The following MTNR1A variants were observed in gnomAD, a reference collection of about 807,000 sequenced individuals.
MTNR1A encodes the protein melatonin receptor type 1A.
A neutral mutation model predicts 5.5 loss-of-function variants in MTNR1A; 7 were observed. That is an observed-to-expected ratio of 1.28 (90% confidence interval 0.73 to 2.40). The LOEUF (loss-of-function observed/expected upper bound fraction) is 2.40. MTNR1A is among the 30% of genes most tolerant of loss of function. The probability of loss-of-function intolerance (pLI) is 0.00; values close to 1 mark genes in which losing one functional copy is unlikely to be tolerated. For missense variants in MTNR1A, 441 were observed against 464.4 expected (o/e 0.95, Z 0.46); for synonymous variants, 196 against 202.7 (o/e 0.97, Z 0.28).
Position 186,534,195 on chromosome 4 carries a change from C to T in MTNR1A, c.547G>A (p.Val183Ile), listed in dbSNP as rs533536924. 2.4e-5 allele frequency: 38 copies of T among 1,613,438 alleles called. 1 individual carries two copies. In the South Asian group the frequency reaches 3.7e-4, roughly 16 times the overall value. The change falls in exon 2 of 2, where the codon GTC (valine) becomes ATC (isoleucine). Residue 183 changes from valine (V) to isoleucine (I), a missense_variant. Val to Ile is a conservative substitution (Grantham distance 29, BLOSUM62 3). Transcript: ENST00000307161. ...ACGGCGATGGTGTAGGCGGAGCTGA[C>T]GGACTGGGCGAAGGTGCACGAGTAG... ...RIYSCTFAQS[V>I]SSAYTIAVVV... is the part of the protein sequence containing the mutation.
intron 1 of MTNR1A, among the ~76,000 whole-genome samples, chr4:186,537,197 C>T (rs148075404): frequency 6.6e-6 from 1 of 152,306 alleles, no homozygotes; most frequent in East Asian, 1.9e-4. Context: ...AGACTCCCCA[C>T]AGGTGCGGCT....
At chr4:186,543,065 C>G (rs1737062586) in intron 1 of MTNR1A, among the ~76,000 whole-genome samples, 1 of 152,176 alleles carries the variant, frequency 6.6e-6, no homozygotes, top group African/African-American at 2.4e-5. Flanking sequence ...TGAACTCCAG[C>G]TCAGGCGACA....
At chr4:186,542,122 G>C (rs902039561) in intron 1 of MTNR1A, among the ~76,000 whole-genome samples, 5 of 152,226 alleles carry the variant, frequency 3.3e-5, no homozygotes, top group Non-Finnish European at 5.9e-5. Flanking sequence ...TCTGGATGCA[G>C]CCACTGCTGC....
chr4:186,548,552 A>G (rs1477076296), intron 1 of MTNR1A, among the ~76,000 whole-genome samples: 1 of 151,976 alleles, frequency 6.6e-6, no homozygotes, highest in Non-Finnish European at 1.5e-5. Flanking sequence ...TGGGAATGTT[A>G]TATTTAATTC....
At chr4:186,553,049 A>G (rs1737294346) in intron 1 of MTNR1A, among the ~76,000 whole-genome samples, 1 of 152,200 alleles carries the variant, frequency 6.6e-6, no homozygotes, top group South Asian at 2.1e-4. Context: ...AATCACCACA[A>G]TTATACCAAG....
chr4:186,538,951 A>C (rs62350386), intron 1 of MTNR1A, among the ~76,000 whole-genome samples: 1,815 of 152,126 alleles, frequency 0.012, 32 homozygotes, highest in African/African-American at 0.041. Context: ...TGGGTGTGGC[A>C]GCTCACGCCT....
At chr4:186,544,882 TC>T (rs1737108177) in intron 1 of MTNR1A, among the ~76,000 whole-genome samples, 1 of 152,122 alleles carries the variant, frequency 6.6e-6, no homozygotes, top group African/African-American at 2.4e-5. Context: ...AAGGACTGGA[TC>T]CTTCCCCAGA....
rs754471002 is a variant in MTNR1A at position 186,534,411 on chromosome 4, C to T, written c.331G>A (p.Val111Ile). ...GTGATGTTGAATATGGAGCCGATGA[C>T]GCTCAGGCCCATCAGGAACCCACTG... ...QVSGFLMGLS[V>I]IGSIFNITGI... The change falls in exon 2 of 2, where the codon GTC becomes ATC. Residue 111 changes from valine (V) to isoleucine (I), a missense_variant. Transcript: ENST00000307161. 31 of 1,614,098 alleles carry T rather than the reference C, an allele frequency of 1.9e-5. 1 individual carries two copies. The South Asian group carries it at 2.4e-4, about 13-fold the overall frequency.
At chr4:186,552,244 G>A (rs780482246) in intron 1 of MTNR1A, among the ~76,000 whole-genome samples, 1 of 152,102 alleles carries the variant, frequency 6.6e-6, no homozygotes, top group Non-Finnish European at 1.5e-5. Context: ...TTCTTTAAAT[G>A]TGTCAATCTT....
At chr4:186,540,969 A>G (rs1737008823) in intron 1 of MTNR1A, among the ~76,000 whole-genome samples, 1 of 151,968 alleles carries the variant, frequency 6.6e-6, no homozygotes, top group African/African-American at 2.4e-5. Context: ...CATCAAACAG[A>G]AGCCGCACAT....
chr4:186,546,379 A>C (rs1189327824), intron 1 of MTNR1A, among the ~76,000 whole-genome samples: 2 of 148,110 alleles, frequency 1.4e-5, no homozygotes, highest in African/African-American at 2.5e-5. Flanking sequence ...CCTTCCACAC[A>C]CGGCTCTCCA....
At chr4:186,547,521 A>C (rs1310268372) in intron 1 of MTNR1A, among the ~76,000 whole-genome samples, 1 of 152,118 alleles carries the variant, frequency 6.6e-6, no homozygotes, top group Admixed American at 6.5e-5. Flanking sequence ...GGTTCATGGT[A>C]CTCGCGGTTG....
rs180705747 is a variant in MTNR1A at position 186,550,234 on chromosome 4, A to T, written c.184+4948T>A. Among the ~76,000 whole-genome samples the T allele has an allele frequency of 3.3e-5, 5 of 152,332 alleles. No individual in the cohort carries two copies. In the East Asian group the frequency reaches 9.7e-4, roughly 29 times the overall value. On this transcript the variant is annotated intron_variant, in intron 1 of 1. Transcript: ENST00000307161. ...GAGGCTGCTGATCATCTTCATGAAG[A>T]GGCAGAGATGGCACCAATGATACCG...
chr4:186,554,776 A>G (rs1329642522), intron 1 of MTNR1A, among the ~76,000 whole-genome samples: 1 of 152,204 alleles, frequency 6.6e-6, no homozygotes. Context: ...TCATTTTGCC[A>G]GCTTCTATGT....
chr4:186,551,864 G>C (rs1456217499), intron 1 of MTNR1A, among the ~76,000 whole-genome samples: 2 of 152,096 alleles, frequency 1.3e-5, no homozygotes, highest in Non-Finnish European at 2.9e-5. Flanking sequence ...TTCACACAGA[G>C]TCAGCCATCC....
Position 186,534,330 on chromosome 4 carries a change from G to C in MTNR1A, c.412C>G (p.Leu138Val), listed in dbSNP as rs779672200. The change falls in exon 2 of 2, where the codon CTG (leucine) becomes GTG (valine). Residue 138 changes from leucine (L) to valine (V), a missense_variant. By Grantham distance (32) the Leu-to-Val change is conservative. Transcript: ENST00000307161. ...YICHSLKYDKLYSSKNSLCYV... is the reference protein window; with the variant it reads ...YICHSLKYDKVYSSKNSLCYV... Reference sequence around the variant, plus strand: ...CAGAGGGAGTTCTTGCTGCTGTACAGTTTGTCGTACTTGAGACTGTGGCAG... The same window carrying C: ...CAGAGGGAGTTCTTGCTGCTGTACACTTTGTCGTACTTGAGACTGTGGCAG... 1.9e-6 allele frequency: 3 copies of C among 1,614,178 alleles called. No homozygotes were observed. Among genetic ancestry groups the C allele is most frequent in the Non-Finnish European group, 2.5e-6 (3 of 1,180,036 alleles).
intron 1 of MTNR1A, among the ~76,000 whole-genome samples, chr4:186,536,214 C>T (rs1330889853): frequency 2.6e-5 from 4 of 151,828 alleles, no homozygotes; most frequent in African/African-American, 4.8e-5. Flanking sequence ...GGCGTGGTGG[C>T]GGGCACCTGT....
chr4:186,536,346 C>A (rs550882459), intron 1 of MTNR1A, among the ~76,000 whole-genome samples: 2,524 of 121,680 alleles, frequency 0.021, 70 homozygotes, highest in African/African-American at 0.069. Flanking sequence ...AACTCCGTAT[C>A]AAAAAAAAAA....
At chr4:186,548,810 G>GACATATAT (rs1553981673) in intron 1 of MTNR1A, among the ~76,000 whole-genome samples, 1 of 54,592 alleles carries the variant, frequency 1.8e-5, no homozygotes, top group Non-Finnish European at 3.4e-5. Context: ...AATCTATAAA[G>GACATATAT]ATATATATAT....
Sources: allele counts gnomAD v4.1 joint callset (sites outside exome capture counted in the v4.1 genomes callset), GRCh38; gene constraint gnomAD v4.1.1; transcripts MANE v1.5; gene names NCBI Gene and HGNC (gene_info 2026-07-23, HGNC 2026-07-21).